The following ZNF215 variants were observed in gnomAD, a reference collection of about 807,000 sequenced individuals.
ZNF215 encodes the protein BWSCR2-associated zinc finger protein 2.
ZNF215 carries 24 observed loss-of-function variants against 27.2 expected under a neutral mutation model. The observed-to-expected ratio is 0.88, with a 90% CI of 0.64 to 1.24. The LOEUF is 1.24. ZNF215 is among the 50% of genes most tolerant of loss of function. ZNF215 has a pLI of 0.00. For synonymous variants in ZNF215, 210 were observed against 204.0 expected (o/e 1.03, Z -0.25); for missense variants, 675 against 605.7 (o/e 1.11, Z -1.20).
downstream of ZNF215, chr11:6,988,099 A>C (rs1851079472): frequency 1.5e-5 from 10 of 674,426 alleles, no homozygotes; most frequent in Non-Finnish European, 1.8e-5. Flanking sequence ...GTCAGATTAA[A>C]TGTTAAGTAA....
At chr11:6,973,697 T>C (rs1296034087) in intron 5 of ZNF215, among the ~76,000 whole-genome samples, 4 of 152,206 alleles carry the variant, frequency 2.6e-5, no homozygotes, top group African/African-American at 9.7e-5. Context: ...AATGTCTTCT[T>C]TTGAGAAGTG....
At chr11:6,973,871 T>A (rs1309663214) in intron 5 of ZNF215, among the ~76,000 whole-genome samples, 2 of 152,364 alleles carry the variant, frequency 1.3e-5, no homozygotes, top group African/African-American at 4.8e-5. Context: ...GTAGTTTCTT[T>A]AGCTGTGCAG....
At chr11:6,959,970 T>C (rs751377127), downstream of ZNF215, among the ~76,000 whole-genome samples, 1 of 152,060 alleles carries the variant, frequency 6.6e-6, no homozygotes. Flanking sequence ...CATATACAGA[T>C]GTATACATAT....
intron 3 of ZNF215, among the ~76,000 whole-genome samples, chr11:6,937,847 C>G (rs899051032): frequency 2.0e-5 from 3 of 151,772 alleles, no homozygotes; most frequent in African/African-American, 7.3e-5. Context: ...CAAAAATTAA[C>G]TCAAGATGGG....
intron 5 of ZNF215, 104 bp from the exon 6 acceptor site, chr11:6,943,442 C>A: frequency 8.3e-7 from 1 of 1,199,336 alleles, no homozygotes; most frequent in Non-Finnish European, 1.2e-6. Context: ...TACCCTTCAG[C>A]AGCTTGGATT....
chr11:6,949,577 T>C (rs554959499), intron 6 of ZNF215, among the ~76,000 whole-genome samples: 6 of 134,924 alleles, frequency 4.4e-5, no homozygotes, highest in African/African-American at 1.4e-4. Context: ...GTTGATGGCG[T>C]TGTTTGTTTT....
At chr11:6,961,901 A>G (rs972920877), downstream of ZNF215, among the ~76,000 whole-genome samples, 4 of 152,124 alleles carry the variant, frequency 2.6e-5, no homozygotes, top group Admixed American at 2.0e-4. Context: ...TCAAATGCCA[A>G]TGTTTCCCCA....
intron 5 of ZNF215, among the ~76,000 whole-genome samples, chr11:6,972,755 G>C (rs1850743054): frequency 1.3e-5 from 2 of 152,116 alleles, no homozygotes; most frequent in South Asian, 2.1e-4. Context: ...TAATTACATT[G>C]TATTTTCCTA....
Position 6,943,132 on chromosome 11 carries a change from G to A in ZNF215, c.533G>A (p.Trp178Ter). The A allele has an allele frequency of 3.1e-6, 5 of 1,614,046 alleles. No individual in the cohort carries two copies. Among genetic ancestry groups the A allele is most frequent in the Non-Finnish European group, 4.2e-6 (5 of 1,179,962 alleles). ...DVVVEFSKEE[W>*]GQLDSAVKNL... The stretch of plus-strand genomic sequence containing the variant: ...GTTGTGGAATTCAGCAAGGAAGAGT[G>A]GGGGCAACTGGACTCTGCTGTAAAG... Residue 178 changes from tryptophan to a stop codon, truncating the protein, a stop_gained, in exon 5 of 7, where the codon TGG (tryptophan) becomes TAG (stop). Transcript: ENST00000278319. LOFTEE classifies it high-confidence loss of function.
chr11:6,978,126 G>T (rs2857923), intron 5 of ZNF215, among the ~76,000 whole-genome samples: 150,148 of 152,144 alleles, frequency 0.99, 74,115 homozygotes, highest in East Asian at 1. Context: ...ATGAAATGTC[G>T]AATGTAGGTA....
chr11:6,962,199 C>G (rs1176630324), downstream of ZNF215, among the ~76,000 whole-genome samples: 2 of 152,084 alleles, frequency 1.3e-5, no homozygotes, highest in African/African-American at 4.8e-5. Flanking sequence ...AAAGGCAAGA[C>G]AAAGGAGTCA....
intron 6 of ZNF215, among the ~76,000 whole-genome samples, chr11:6,945,112 T>C (rs1275811076): frequency 6.6e-6 from 1 of 152,210 alleles, no homozygotes; most frequent in Non-Finnish European, 1.5e-5. Context: ...CATACTCTAA[T>C]AATAGAGTAT....
chr11:6,956,836 G>T lies in ZNF215; in HGVS notation c.*305G>T. ...CTCACCTCTCCCTAGTTCATAAATA[G>T]GTCTATAGCATACTAATATCCACCT... On this transcript the variant is annotated 3_prime_UTR_variant, in exon 7 of 7. Transcript: ENST00000278319. The T allele has an allele frequency of 9.3e-7, 1 of 1,072,592 alleles. No individual in the cohort carries two copies. Among genetic ancestry groups the T allele is most frequent in the Non-Finnish European group, 1.1e-6 (1 of 885,622 alleles). The allele number at this position is 1,072,592 out of a possible 1,614,324, so 66.4% of individuals were successfully genotyped here.
downstream of ZNF215, among the ~76,000 whole-genome samples, chr11:6,960,659 G>A (rs1850498441): frequency 6.6e-6 from 1 of 152,092 alleles, no homozygotes; most frequent in African/African-American, 2.4e-5. Context: ...TAACCCAGGT[G>A]TCATTGCCAT....
intron 5 of ZNF215, among the ~76,000 whole-genome samples, chr11:6,964,684 CTT>C (rs71056773): frequency 1.4e-5 from 2 of 142,178 alleles, no homozygotes; most frequent in Admixed American, 7.0e-5. Context: ...CTTCTTAGGT[CTT>C]TTTTTTTTTT....
At chr11:6,971,912 T>C (rs1850726330) in intron 5 of ZNF215, among the ~76,000 whole-genome samples, 1 of 152,176 alleles carries the variant, frequency 6.6e-6, no homozygotes, top group Non-Finnish European at 1.5e-5. Context: ...GAAAATGTTA[T>C]AGAGTACTTA....
chr11:6,928,248 T>C (rs1408599655), intron 2 of ZNF215, among the ~76,000 whole-genome samples: 1 of 152,196 alleles, frequency 6.6e-6, no homozygotes, highest in East Asian at 1.9e-4. Context: ...TATCTAGTTT[T>C]ATTTATCTAT....
intron 5 of ZNF215, among the ~76,000 whole-genome samples, chr11:6,975,340 G>A (rs1262912852): frequency 1.3e-5 from 2 of 151,954 alleles, no homozygotes; most frequent in Non-Finnish European, 2.9e-5. Context: ...TCACATCATG[G>A]AGAGTAGGGT....
chr11:6,953,293 T>C (rs1483055697), intron 6 of ZNF215, among the ~76,000 whole-genome samples: 1 of 152,232 alleles, frequency 6.6e-6, no homozygotes, highest in African/African-American at 2.4e-5. Context: ...CCTTGCTAGA[T>C]TGGGAAAGTT....
Sources: gnomAD v4.1 joint callset for allele counts (sites outside exome capture counted in the v4.1 genomes callset) on GRCh38, gnomAD v4.1.1 for gene constraint, MANE v1.5 for transcripts, NCBI Gene and HGNC (gene_info 2026-07-23, HGNC 2026-07-21) for gene names.